The following DNAH12 variants were observed in gnomAD, a reference collection of about 807,000 sequenced individuals.
DNAH12 encodes dynein axonemal heavy chain 12, also known as axonemal beta dynein heavy chain 12.
In DNAH12, 285 loss-of-function variants were observed where a neutral mutation model predicts 371.5. The ratio of observed to expected loss-of-function variants is 0.77; its 90% CI spans 0.70 to 0.85. The LOEUF (loss-of-function observed/expected upper bound fraction) is 0.85, where lower values mean the gene tolerates loss of function less well. Ranked by LOEUF, DNAH12 falls within the 40% of genes least tolerant of loss-of-function variation. DNAH12 has a pLI of 0.00. For missense variants in DNAH12, 3,611 were observed against 3,689.4 expected (o/e 0.98, Z 0.55); for synonymous variants, 1,200 against 1,213.0 (o/e 0.99, Z 0.22).
intron 8 of DNAH12, among the ~76,000 whole-genome samples, chr3:57,507,320 T>C (rs1254242393): frequency 2.0e-5 from 3 of 152,086 alleles, no homozygotes; most frequent in Non-Finnish European, 4.4e-5. Context: ...ATCAATCAAC[T>C]TGGAATCTAA....
intron 65 of DNAH12, among the ~76,000 whole-genome samples, 159 bp downstream of exon 65, chr3:57,322,184 G>T (rs936445069): frequency 1.3e-5 from 2 of 152,176 alleles, no homozygotes; most frequent in African/African-American, 2.4e-5. Context: ...GAATAAAATG[G>T]TGAACAAGAT....
At chr3:57,314,389 C>G in intron 66 of DNAH12, 105 bp downstream of exon 66, 1 of 1,345,870 alleles carries the variant, frequency 7.4e-7, no homozygotes, top group Admixed American at 2.4e-5. Flanking sequence ...CATCTACCCA[C>G]CTGTTAGTGT....
Position 57,429,745 on chromosome 3 carries a change from C to A in DNAH12, c.5010G>T (p.Gln1670His). 1 of 1,530,474 alleles carries A rather than the reference C, an allele frequency of 6.5e-7. No homozygotes were observed. The highest frequency in any genetic ancestry group is 8.8e-7 in the Non-Finnish European group (1 of 1,139,860). 94.8% of individuals were successfully genotyped at this position (1,530,474 alleles called of 1,614,324 possible). A position where few individuals can be genotyped will look rare whatever the true frequency, so the allele number is the denominator to read the frequency against. ...KLCLMSGEII[Q>H]MSPQMSLIFE... ...AGATGAGGCTCATTTGGGGGGACAT[C>A]TGAATGATTTCTCCACTCATAAGGC... The change falls in exon 33 of 74, where the codon CAG becomes CAT. Residue 1670 changes from glutamine (Q) to histidine (H), a missense_variant. Gln to His is a conservative substitution (Grantham distance 24, BLOSUM62 0). Around this residue, in one of 3 missense-constraint regions of DNAH12, gnomAD observed 2,266 missense variants for 2,236.9 expected, o/e 1.01. Transcript: ENST00000495027.
chr3:57,385,653 C>T (rs886401444), intron 47 of DNAH12, among the ~76,000 whole-genome samples: 3 of 152,168 alleles, frequency 2.0e-5, no homozygotes, highest in Admixed American at 6.5e-5. Context: ...AGGTCAAGGC[C>T]GGTGGACTGC....
At position 57,308,898 on chromosome 3, in the gene DNAH12, A is replaced by C. The variant is rs573537846; in HGVS notation, c.11189+253T>G. Reference sequence around the variant, plus strand: ...CCAGGCCATCACCAATAATTCTGTAAGACAAATGTTTCTTCTAACAACCCT... The same window carrying C: ...CCAGGCCATCACCAATAATTCTGTACGACAAATGTTTCTTCTAACAACCCT... On this transcript the variant is annotated intron_variant, in intron 69 of 73. Coordinates refer to ENST00000495027, the MANE Select transcript of DNAH12 (RefSeq NM_001366028.2). Among the ~76,000 whole-genome samples the C allele has an allele frequency of 9.2e-3, 1,397 of 151,244 alleles. 10 individuals are homozygous for C. Among genetic ancestry groups the C allele is most frequent in the African/African-American group, 0.033 (1,340 of 40,626 alleles).
At chr3:57,494,543 C>T (rs1258738282) in intron 11 of DNAH12, among the ~76,000 whole-genome samples, 1 of 152,046 alleles carries the variant, frequency 6.6e-6, no homozygotes, top group Non-Finnish European at 1.5e-5. Flanking sequence ...GCCTGGGCAA[C>T]AGAGTGAGAC....
chr3:57,447,263 TTC>T (rs1314979674), intron 25 of DNAH12, among the ~76,000 whole-genome samples: 17 of 152,356 alleles, frequency 1.1e-4, no homozygotes, highest in African/African-American at 2.2e-4. Context: ...ATTACGTACA[TTC>T]TTTTTTCTCA....
At chr3:57,504,249 C>T (rs1264242624) in intron 8 of DNAH12, 45 bp from the exon 9 acceptor site, 1 of 1,523,984 alleles carries the variant, frequency 6.6e-7, no homozygotes, top group African/African-American at 1.4e-5. Context: ...ACAAATTCAA[C>T]CTTTAACTAA....
intron 39 of DNAH12, among the ~76,000 whole-genome samples, chr3:57,409,455 A>T (rs1559626702): frequency 6.6e-6 from 1 of 152,210 alleles, no homozygotes; most frequent in East Asian, 1.9e-4. Flanking sequence ...ATATGCACTG[A>T]TATGGCTATT....
chr3:57,305,690 G>A (rs1232822368), intron 69 of DNAH12, among the ~76,000 whole-genome samples: 15 of 152,058 alleles, frequency 9.9e-5, no homozygotes, highest in Admixed American at 1.3e-4. Context: ...TCAAAAGGCC[G>A]TCTTATTCTC....
At chr3:57,421,290 T>G (rs2064571414) in intron 36 of DNAH12, among the ~76,000 whole-genome samples, 2 of 152,166 alleles carry the variant, frequency 1.3e-5, no homozygotes, top group Admixed American at 1.3e-4. Flanking sequence ...GGGGAATTAT[T>G]TAATAAAATG....
chr3:57,469,007 A>G (rs1180824543), intron 16 of DNAH12, 28 bp from the exon 17 acceptor site: 7 of 1,507,850 alleles, frequency 4.6e-6, no homozygotes, highest in Non-Finnish European at 6.2e-6. Context: ...ATATTATTAA[A>G]CTCAGACTTT....
chr3:57,379,228 T>TG lies in DNAH12; in HGVS notation c.8152_8153insC (p.Lys2718ThrfsTer7), dbSNP rs1292068594. 6.6e-6 allele frequency: 1 copy of TG among 152,156 alleles called. No individual in the cohort carries two copies. Among genetic ancestry groups the TG allele is most frequent in the Non-Finnish European group, 1.5e-5 (1 of 68,038 alleles). 9.4% of individuals were successfully genotyped at this position (152,156 alleles called of 1,614,324 possible). A position where few individuals can be genotyped will look rare whatever the true frequency, so the allele number is the denominator to read the frequency against. On this transcript the variant is annotated frameshift_variant, in exon 52 of 74. Transcript: ENST00000495027. LOFTEE classifies it high-confidence loss of function. ...CAGACCCTCAGCTGCAGAAGAAGCTTTAGCAACCTTAGGGGGATCAAATTC... is the reference window on the plus strand; with the variant it reads ...CAGACCCTCAGCTGCAGAAGAAGCTTGTAGCAACCTTAGGGGGATCAAATTC...
At chr3:57,315,270 C>G (rs2061662035) in intron 65 of DNAH12, among the ~76,000 whole-genome samples, 1 of 151,596 alleles carries the variant, frequency 6.6e-6, no homozygotes, top group Non-Finnish European at 1.5e-5. Flanking sequence ...AAACATAGCT[C>G]CAAATCCAGT....
intron 62 of DNAH12, among the ~76,000 whole-genome samples, chr3:57,324,712 A>G (rs1259520896): frequency 6.6e-6 from 1 of 152,248 alleles, no homozygotes; most frequent in East Asian, 1.9e-4. Context: ...AGTGCCAGAC[A>G]GTGGGCGCAG....
Position 57,458,102 on chromosome 3 carries a change from G to A in DNAH12, c.3050C>T (p.Pro1017Leu). 3 of 1,544,160 alleles carry A rather than the reference G, an allele frequency of 1.9e-6. No individual in the cohort carries two copies. Among genetic ancestry groups the A allele is most frequent in the African/African-American group, 1.4e-5 (1 of 72,590 alleles). ...CACAATTGATTATTTATCATACCGAGGGAAGAAAAGACGTTTCTTTTCAAG... is the reference window on the plus strand; with the variant it reads ...CACAATTGATTATTTATCATACCGAAGGAAGAAAAGACGTTTCTTTTCAAG... Reference protein sequence around the residue: ...AYLEKKRLFFPRFFFLSNDEM... With the variant: ...AYLEKKRLFFLRFFFLSNDEM... Residue 1017 changes from proline (P) to leucine (L), a missense_variant, in exon 21 of 74, where the codon CCT becomes CTT. Pro to Leu is a moderately conservative substitution (Grantham distance 98). Around this residue, in one of 3 missense-constraint regions of DNAH12, gnomAD observed 1,314 missense variants for 1,398.7 expected, o/e 0.94. Transcript: ENST00000495027.
At position 57,315,316 on chromosome 3, in the gene DNAH12, G is replaced by A. The variant is rs149800296; in HGVS notation, c.10525-685C>T. Among the ~76,000 whole-genome samples, 424 of 151,556 alleles carry A rather than the reference G, an allele frequency of 2.8e-3. 2 individuals carry two copies. The highest frequency in any genetic ancestry group is 9.7e-3 in the African/African-American group (400 of 41,248). ...CCAGCTATTTTCATATAATGCAGTAGTAGACATTATTCTTCAATATTAAAA... is the reference window on the plus strand; with the variant it reads ...CCAGCTATTTTCATATAATGCAGTAATAGACATTATTCTTCAATATTAAAA... On this transcript the variant is annotated intron_variant, in intron 65 of 73. Transcript: ENST00000495027.
chr3:57,306,533 C>T (rs1046312544), intron 69 of DNAH12, among the ~76,000 whole-genome samples: 1 of 152,098 alleles, frequency 6.6e-6, no homozygotes, highest in Non-Finnish European at 1.5e-5. Context: ...CAGTTCAAAG[C>T]CTGCTTCACA....
chr3:57,341,091 A>G (rs2062385128), intron 60 of DNAH12, among the ~76,000 whole-genome samples: 1 of 151,836 alleles, frequency 6.6e-6, no homozygotes, highest in African/African-American at 2.4e-5. Context: ...TATCCCTCAT[A>G]AAACTCTCAA....
Sources: gnomAD v4.1 joint callset for allele counts (sites outside exome capture counted in the v4.1 genomes callset) on GRCh38, gnomAD v4.1.1 for gene constraint, gnomAD v4.1.1 regional missense constraint, MANE v1.5 for transcripts, NCBI Gene and HGNC (gene_info 2026-07-23, HGNC 2026-07-21) for gene names.